Variants in FAM83B observed in about 807,000 individuals in gnomAD.
FAM83B encodes the protein scaffolding CK1 anchoring protein B, also known as protein FAM83B.
In FAM83B, 26 loss-of-function variants were observed where a neutral mutation model predicts 38.8. That is an observed-to-expected ratio of 0.67 (90% CI 0.49 to 0.93). The LOEUF is 0.93. FAM83B is among the 40% of genes least tolerant of loss of function. The pLI is 0.00. For synonymous variants in FAM83B, 419 were observed against 423.1 expected (o/e 0.99, Z 0.12); for missense variants, 1,237 against 1,197.3 (o/e 1.03, Z -0.49).
chr6:54,846,619 C>G (rs1446435316), upstream of FAM83B, among the ~76,000 whole-genome samples: 1 of 152,106 alleles, frequency 6.6e-6, no homozygotes, highest in South Asian at 2.1e-4. Context: ...TGTTGTAACC[C>G]GTCTCCACTC....
At chr6:54,903,792 T>A (rs1247402301) in intron 2 of FAM83B, among the ~76,000 whole-genome samples, 1 of 152,102 alleles carries the variant, frequency 6.6e-6, no homozygotes, top group Non-Finnish European at 1.5e-5. Flanking sequence ...TATTCTAGCA[T>A]AATAGGTTTT....
chr6:54,926,648 C>G (rs985386587), intron 3 of FAM83B, 113 bp downstream of exon 3: 21 of 763,910 alleles, frequency 2.7e-5, no homozygotes, highest in Non-Finnish European at 2.0e-6. Flanking sequence ...AAAAAAAATA[C>G]GTATTTAAGG....
intron 2 of FAM83B, among the ~76,000 whole-genome samples, chr6:54,883,141 C>T (rs1772174916): frequency 6.6e-6 from 1 of 151,884 alleles, no homozygotes; most frequent in Admixed American, 6.6e-5. Flanking sequence ...AGACTGGTTT[C>T]ACCGTGTTAG....
rs9382394 is a variant in FAM83B, at chr6:54,891,735, A to G, written c.444+21045A>G. 3.4e-3 allele frequency among the ~76,000 whole-genome samples: 517 copies of G among 152,312 alleles called. 7 individuals are homozygous for G. The highest frequency in any genetic ancestry group is 0.032 in the East Asian group (165 of 5,184). On this transcript the variant is annotated intron_variant, in intron 2 of 4. Transcript: ENST00000306858. ...CATCACATTCCTAGATGCCAAGACT[A>G]CAGTATCTTGGAATCACATAATGAT...
intron 1 of FAM83B, among the ~76,000 whole-genome samples, chr6:54,856,865 A>G (rs1052442820): frequency 6.6e-6 from 1 of 152,180 alleles, no homozygotes; most frequent in African/African-American, 2.4e-5. Context: ...TATTCTGATT[A>G]TTTATATGGC....
intron 3 of FAM83B, among the ~76,000 whole-genome samples, chr6:54,926,774 C>T (rs1259307719): frequency 1.3e-5 from 2 of 152,132 alleles, no homozygotes; most frequent in Non-Finnish European, 2.9e-5. Flanking sequence ...GCTCTCCCTC[C>T]CAGAGTGGAG....
intron 1 of FAM83B, among the ~76,000 whole-genome samples, chr6:54,854,103 G>GT (rs1771382072): frequency 6.6e-6 from 1 of 152,192 alleles, no homozygotes; most frequent in Non-Finnish European, 1.5e-5. Context: ...ATGTGGCTTA[G>GT]TTTTTTCAGT....
chr6:54,877,555 G>A (rs561500453), intron 2 of FAM83B, among the ~76,000 whole-genome samples: 3 of 152,062 alleles, frequency 2.0e-5, no homozygotes, highest in South Asian at 4.2e-4. Flanking sequence ...AAAGTTGGGC[G>A]ACTTTTATCC....
intron 2 of FAM83B, among the ~76,000 whole-genome samples, chr6:54,915,836 A>AAAAAAAAAAAAAAAAAC (rs1773024766): frequency 1.1e-5 from 1 of 89,910 alleles, no homozygotes; most frequent in Non-Finnish European, 2.1e-5. Context: ...AAAAAAAAAA[A>AAAAAAAAAAAAAAAAAC]AGAAACTCAC....
intron 2 of FAM83B, among the ~76,000 whole-genome samples, chr6:54,917,862 G>A (rs1032340029): frequency 3.9e-5 from 6 of 152,056 alleles, no homozygotes; most frequent in African/African-American, 9.7e-5. Flanking sequence ...GTATCCACCC[G>A]AAGCCCTCTC....
Position 54,921,225 on chromosome 6 carries a change from C to A in FAM83B, c.445-5146C>A, listed in dbSNP as rs138080740. ...ATGTACATATAGATTATTGTTTTTT[C>A]TTTCTCTGAATTACCATTCCCGTGT... On this transcript the variant is annotated intron_variant, in intron 2 of 4. Coordinates refer to ENST00000306858, the MANE Select transcript of FAM83B (RefSeq NM_001010872.3). Among the ~76,000 whole-genome samples, 22 of 151,840 alleles carry A rather than the reference C, an allele frequency of 1.4e-4. 1 individual carries two copies. The East Asian group carries it at 3.3e-3, about 23-fold the overall frequency.
At chr6:54,849,890 C>T (rs760123237) in intron 1 of FAM83B, among the ~76,000 whole-genome samples, 3 of 151,674 alleles carry the variant, frequency 2.0e-5, no homozygotes, top group Non-Finnish European at 2.9e-5. Context: ...TGTAGTCTCC[C>T]GGTTACTGGC....
intron 2 of FAM83B, among the ~76,000 whole-genome samples, chr6:54,911,138 A>AGTGTGT (rs1554148147): frequency 1.0e-3 from 74 of 72,100 alleles, no homozygotes; most frequent in African/African-American, 5.3e-3. Context: ...AATGACACAC[A>AGTGTGT]GCGTGTGTGT....
At chr6:54,935,758 T>C (rs144519858) in intron 4 of FAM83B, among the ~76,000 whole-genome samples, 1 of 152,242 alleles carries the variant, frequency 6.6e-6, no homozygotes, top group Non-Finnish European at 1.5e-5. Context: ...CCGAAAATGC[T>C]AAGACTAGGG....
At chr6:54,868,113 G>A (rs964542134) in intron 1 of FAM83B, among the ~76,000 whole-genome samples, 5 of 152,102 alleles carry the variant, frequency 3.3e-5, no homozygotes, top group Non-Finnish European at 7.4e-5. Context: ...TGAGCATTAT[G>A]TGCAAAAGAG....
At chr6:54,925,888 C>T (rs1773277020) in intron 2 of FAM83B, among the ~76,000 whole-genome samples, 1 of 152,134 alleles carries the variant, frequency 6.6e-6, no homozygotes, top group African/African-American at 2.4e-5. Flanking sequence ...ATCTTATACT[C>T]TTTCTCCATC....
chr6:54,915,105 C>A (rs969323555), intron 2 of FAM83B, among the ~76,000 whole-genome samples: 8 of 150,746 alleles, frequency 5.3e-5, no homozygotes, highest in African/African-American at 2.0e-4. Flanking sequence ...TAAAAATTCC[C>A]GAGTTTCTAT....
At chr6:54,856,167 G>A (rs113882585) in intron 1 of FAM83B, among the ~76,000 whole-genome samples, 2 of 152,268 alleles carry the variant, frequency 1.3e-5, no homozygotes, top group Non-Finnish European at 2.9e-5. Context: ...TTTGAGCTGC[G>A]AAGGAGTGGA....
At chr6:54,917,704 A>C (rs920990649) in intron 2 of FAM83B, among the ~76,000 whole-genome samples, 1 of 152,168 alleles carries the variant, frequency 6.6e-6, no homozygotes, top group Non-Finnish European at 1.5e-5. Flanking sequence ...CACCAGTGAA[A>C]ATGACCAATT....
Sources: allele counts gnomAD v4.1 joint callset (sites outside exome capture counted in the v4.1 genomes callset), GRCh38; gene constraint gnomAD v4.1.1; transcripts MANE v1.5; gene names NCBI Gene and HGNC (gene_info 2026-07-23, HGNC 2026-07-21).